The following FXR1 variants were observed in gnomAD, a reference collection of about 807,000 sequenced individuals.
FXR1 encodes FMR1 autosomal homolog 1, also known as RNA-binding protein FXR1.
A neutral mutation model predicts 84.0 loss-of-function variants in FXR1; 15 were observed. The ratio of observed to expected loss-of-function variants is 0.18; its 90% CI spans 0.12 to 0.27. The LOEUF is 0.27. Among genes scored for constraint, FXR1 ranks in the 10% least tolerant of loss-of-function variants. The probability of loss-of-function intolerance (pLI) is 1.00; values close to 1 mark genes in which losing one functional copy is unlikely to be tolerated. For missense variants in FXR1, 480 were observed against 774.4 expected, an observed-to-expected ratio of 0.62 and a Z score of 4.51; for synonymous variants, 245 against 250.7, an observed-to-expected ratio of 0.98 and a Z score of 0.21.
At chr3:180,962,476 G>C (rs1263319419) in intron 11 of FXR1, among the ~76,000 whole-genome samples, 1 of 152,162 alleles carries the variant, frequency 6.6e-6, no homozygotes, top group Non-Finnish European at 1.5e-5. Context: ...TGCTTTGATA[G>C]GAAAGTAGCT....
Position 180,980,618 on chromosome 3 carries a change from A to G in FXR1, c.*4326A>G, listed in dbSNP as rs1714564362. 2 of 151,988 alleles carry G rather than the reference A, an allele frequency of 1.3e-5. No individual in the cohort carries two copies. The highest frequency in any genetic ancestry group is 4.8e-5 in the African/African-American group (2 of 41,378). 9.4% of individuals were successfully genotyped at this position (151,988 alleles called of 1,614,324 possible). ...TCAGGTTGTAAAGAAAAATGTAAAC[A>G]TATATTTGAAATTTCATTAACTGAA... On this transcript the variant is annotated 3_prime_UTR_variant, in exon 17 of 17. Coordinates refer to ENST00000357559, the MANE Select transcript of FXR1 (RefSeq NM_005087.4).
intron 13 of FXR1, 21 bp from the exon 14 acceptor site, chr3:180,968,024 GTGGTTT>G: frequency 7.1e-7 from 1 of 1,410,882 alleles, no homozygotes; most frequent in Non-Finnish European, 1.0e-6. Context: ...AGAAATCTAA[GTGGTTT>G]ATGTTCTTTT....
At chr3:180,955,119 C>A (rs1473891396) in intron 9 of FXR1, among the ~76,000 whole-genome samples, 3 of 151,662 alleles carry the variant, frequency 2.0e-5, no homozygotes, top group Non-Finnish European at 4.4e-5. Flanking sequence ...CTCAGCCTCC[C>A]AAGTAGCTGG....
At chr3:180,966,663 C>T (rs1429358669) in intron 13 of FXR1, among the ~76,000 whole-genome samples, 1 of 152,126 alleles carries the variant, frequency 6.6e-6, no homozygotes, top group African/African-American at 2.4e-5. Flanking sequence ...TTATCATAGA[C>T]CAATTTTGAA....
At chr3:180,928,027 G>C (rs1326373394) in intron 1 of FXR1, among the ~76,000 whole-genome samples, 2 of 151,476 alleles carry the variant, frequency 1.3e-5, no homozygotes, top group African/African-American at 4.8e-5. Context: ...TTTTTGGTTA[G>C]AAAGGCCTTC....
At chr3:180,975,951 G>A (rs1714186296) in intron 16 of FXR1, among the ~76,000 whole-genome samples, 171 bp from the exon 17 acceptor site, 1 of 151,994 alleles carries the variant, frequency 6.6e-6, no homozygotes, top group African/African-American at 2.4e-5. Flanking sequence ...CCCATAGAGT[G>A]GAATACTTTG....
chr3:180,973,170 T>G (rs1470391060), intron 15 of FXR1, among the ~76,000 whole-genome samples: 4 of 152,224 alleles, frequency 2.6e-5, no homozygotes, highest in African/African-American at 4.8e-5. Context: ...GGGGCTTGTA[T>G]TATAAGGACT....
At chr3:180,951,196 C>T in intron 7 of FXR1, 102 bp from the exon 8 acceptor site, 5 of 678,880 alleles carry the variant, frequency 7.4e-6, no homozygotes, top group South Asian at 7.3e-5. Context: ...GCACCCTAGC[C>T]TTGGTGACAG....
chr3:180,971,641 C>T (rs530203733), intron 15 of FXR1: 32 of 152,646 alleles, frequency 2.1e-4, no homozygotes, highest in African/African-American at 7.5e-4. Flanking sequence ...TAACCTAATG[C>T]GAGGAATGCA....
chr3:180,943,427 C>T (rs1460567213), intron 3 of FXR1, among the ~76,000 whole-genome samples: 2 of 151,448 alleles, frequency 1.3e-5, no homozygotes, highest in Non-Finnish European at 2.9e-5. Flanking sequence ...CCACCATGCC[C>T]AGCTAATTTT....
At chr3:180,971,209 C>CG (rs11368900) in intron 15 of FXR1, 7 of 561,398 alleles carry the variant, frequency 1.2e-5, no homozygotes, top group African/African-American at 8.0e-5. Flanking sequence ...AAAAAAATGT[C>CG]TATGTCTGCT....
At chr3:180,961,379 G>A (rs1301883391) in intron 10 of FXR1, 89 bp from the exon 11 acceptor site, 2 of 360,494 alleles carry the variant, frequency 5.5e-6, no homozygotes, top group Non-Finnish European at 1.0e-5. Context: ...GTGTGTGTGT[G>A]TGTGCCTGCC....
At position 180,976,264 on chromosome 3, in the gene FXR1, A is replaced by C. The variant is rs112134282; in HGVS notation, c.1838A>C (p.Glu613Ala). 5.3e-5 allele frequency: 86 copies of C among 1,611,260 alleles called. No homozygotes were observed. Among genetic ancestry groups the C allele is most frequent in the African/African-American group, 2.0e-4 (15 of 74,812 alleles). ...INTLKEENTQ[E>A]AAVLNGVS ...ACCTTAAAAGAAGAAAACACTCAAGAAGCAGCAGTCCTGAATGGTGTTTCA... is the reference window on the plus strand; with the variant it reads ...ACCTTAAAAGAAGAAAACACTCAAGCAGCAGCAGTCCTGAATGGTGTTTCA... Residue 613 changes from glutamate (E) to alanine (A), a missense_variant, in exon 17 of 17, where the codon GAA becomes GCA. Physicochemically the swap from Glu to Ala is moderately radical, Grantham distance 107 (BLOSUM62 -1). Coordinates refer to ENST00000357559, the MANE Select transcript of FXR1 (RefSeq NM_005087.4).
intron 14 of FXR1, among the ~76,000 whole-genome samples, chr3:180,969,924 A>C (rs901419820): frequency 1.1e-4 from 17 of 152,210 alleles, no homozygotes; most frequent in African/African-American, 3.9e-4. Flanking sequence ...TAGGAAGCCA[A>C]GATGTCTGCT....
intron 7 of FXR1, 124 bp downstream of exon 7, chr3:180,949,467 A>G (rs1024096119): frequency 1.9e-5 from 13 of 678,264 alleles, no homozygotes; most frequent in East Asian, 5.2e-5. Flanking sequence ...GCTTACTGCA[A>G]CCTCCACCTC....
intron 11 of FXR1, among the ~76,000 whole-genome samples, chr3:180,962,183 C>T (rs1246517363): frequency 1.3e-5 from 2 of 152,168 alleles, no homozygotes; most frequent in Non-Finnish European, 1.5e-5. Context: ...ATAATATCCT[C>T]ACCTGTTCTC....
intron 9 of FXR1, among the ~76,000 whole-genome samples, chr3:180,955,757 A>G (rs1722684426): frequency 6.6e-6 from 1 of 152,134 alleles, no homozygotes; most frequent in African/African-American, 2.4e-5. Flanking sequence ...GGTCTTAGAG[A>G]GTTGTGGTAG....
At chr3:180,936,474 G>A (rs1459692370) in intron 3 of FXR1, among the ~76,000 whole-genome samples, 1 of 151,804 alleles carries the variant, frequency 6.6e-6, no homozygotes, top group Non-Finnish European at 1.5e-5. Flanking sequence ...CGCCTTGTTG[G>A]CCAGGCTGGT....
intron 9 of FXR1, 39 bp downstream of exon 9, chr3:180,953,879 A>G: frequency 2.0e-6 from 2 of 1,014,234 alleles, no homozygotes; most frequent in Non-Finnish European, 3.1e-6. Flanking sequence ...GTTAATAAAC[A>G]TTATTTAGTT....
Sources: gnomAD v4.1 joint callset for allele counts (sites outside exome capture counted in the v4.1 genomes callset) on GRCh38, gnomAD v4.1.1 for gene constraint, MANE v1.5 for transcripts, NCBI Gene and HGNC (gene_info 2026-07-23, HGNC 2026-07-21) for gene names.